OR2L13: variants seen among roughly 807,000 people sequenced by gnomAD.
OR2L13 encodes olfactory receptor family 2 subfamily L member 13, also known as olfactory receptor 2L13.
A neutral mutation model predicts 15.3 loss-of-function variants in OR2L13; 14 were observed. The observed-to-expected ratio is 0.91, with a 90% CI of 0.60 to 1.43. The LOEUF (loss-of-function observed/expected upper bound fraction) is 1.43, where lower values mean the gene tolerates loss of function less well. Ranked by LOEUF, OR2L13 falls within the 40% of genes most tolerant of loss-of-function variation. The pLI is 0.00. For missense variants in OR2L13, 367 were observed against 387.9 expected (o/e 0.95, Z 0.45); for synonymous variants, 152 against 142.9 (o/e 1.06, Z -0.45).
At chr1:248,096,786 G>A (rs533466934), upstream of OR2L13, among the ~76,000 whole-genome samples, 1 of 152,180 alleles carries the variant, frequency 6.6e-6, no homozygotes, top group Admixed American at 6.5e-5. Flanking sequence ...GAAATGAGGT[G>A]TTTTTTAACT....
chr1:248,066,047 C>G, the OR2L13 span, among the ~76,000 whole-genome samples: 2 of 152,134 alleles, frequency 1.3e-5, no homozygotes, highest in African/African-American at 4.8e-5. Context: ...CCAGAATTAA[C>G]CCTTATTTTT....
chr1:248,004,367 G>T, the OR2L13 span, among the ~76,000 whole-genome samples: 1 of 152,120 alleles, frequency 6.6e-6, no homozygotes, highest in Non-Finnish European at 1.5e-5. Flanking sequence ...TCTAACCAAA[G>T]TTGGCACTTA....
the OR2L13 span, among the ~76,000 whole-genome samples, chr1:248,049,200 T>C: frequency 6.6e-6 from 1 of 152,178 alleles, no homozygotes; most frequent in East Asian, 1.9e-4. Context: ...ATTCAGTTTT[T>C]CTTCCTTGTG....
chr1:248,033,244 T>A, the OR2L13 span, among the ~76,000 whole-genome samples: 1 of 152,204 alleles, frequency 6.6e-6, no homozygotes, highest in Non-Finnish European at 1.5e-5. Flanking sequence ...TTATTTTGAC[T>A]TAATTTTTCT....
the OR2L13 span, among the ~76,000 whole-genome samples, chr1:248,067,825 G>C: frequency 1.3e-5 from 2 of 152,208 alleles, no homozygotes; most frequent in African/African-American, 2.4e-5. Context: ...CTTAAAAAAC[G>C]GCGCGCCAGG....
the OR2L13 span, among the ~76,000 whole-genome samples, chr1:247,980,554 C>T: frequency 3.0e-3 from 459 of 152,162 alleles, 3 homozygotes; most frequent in African/African-American, 0.011. Context: ...GTTTCTTTTC[C>T]CAGTGAGTTT....
At chr1:247,994,656 T>G in the OR2L13 span, among the ~76,000 whole-genome samples, 1 of 152,160 alleles carries the variant, frequency 6.6e-6, no homozygotes, top group Non-Finnish European at 1.5e-5. Flanking sequence ...CTTGAAGTTA[T>G]GTAGGATGAG....
At chr1:248,073,104 G>A in the OR2L13 span, among the ~76,000 whole-genome samples, 2 of 151,282 alleles carry the variant, frequency 1.3e-5, no homozygotes, top group Admixed American at 6.6e-5. Flanking sequence ...AATACCATTT[G>A]ACCCAGCAAT....
At chr1:247,980,197 A>G in the OR2L13 span, among the ~76,000 whole-genome samples, 5,903 of 152,220 alleles carry the variant, frequency 0.039, 353 homozygotes, top group African/African-American at 0.13. Context: ...ACCACAATCA[A>G]TAGTTGCATC....
the OR2L13 span, among the ~76,000 whole-genome samples, chr1:248,089,924 C>T: frequency 1.3e-5 from 2 of 152,174 alleles, no homozygotes; most frequent in African/African-American, 4.8e-5. Context: ...TTTTGAATCT[C>T]CCTATGATGT....
At chr1:247,970,456 A>T in the OR2L13 span, among the ~76,000 whole-genome samples, 6,931 of 152,154 alleles carry the variant, frequency 0.046, 489 homozygotes, top group African/African-American at 0.16. Context: ...ATGCATCATG[A>T]AGAATCTTGG....
the OR2L13 span, chr1:248,038,640 A>G: frequency 1.7e-4 from 267 of 1,614,126 alleles, no homozygotes; most frequent in African/African-American, 3.0e-3. Flanking sequence ...TTATGTGGCC[A>G]TTTGCTTTCC....
At chr1:248,100,155 G>A (rs1286481518) in exon 3 of OR2L13, 2 of 1,613,966 alleles carry the variant, frequency 1.2e-6, no homozygotes, top group Admixed American at 3.3e-5. Flanking sequence ...CCTATCTTCG[G>A]CCCAGGAATC....
At chr1:248,070,166 A>G in the OR2L13 span, among the ~76,000 whole-genome samples, 2 of 152,190 alleles carry the variant, frequency 1.3e-5, no homozygotes, top group Non-Finnish European at 2.9e-5. Context: ...AATCAACAGA[A>G]TATACATTTT....
the OR2L13 span, among the ~76,000 whole-genome samples, chr1:247,984,229 C>CATTATTGTT: frequency 6.7e-6 from 1 of 148,492 alleles, no homozygotes; most frequent in African/African-American, 2.5e-5. Context: ...GAAAATAAGT[C>CATTATTGTT]ATTATTATTA....
At chr1:247,986,356 T>G in the OR2L13 span, among the ~76,000 whole-genome samples, 44 of 152,296 alleles carry the variant, frequency 2.9e-4, no homozygotes, top group East Asian at 1.5e-3. Context: ...CCGCACCATT[T>G]ATTAAATAGG....
the OR2L13 span, among the ~76,000 whole-genome samples, chr1:248,080,816 T>C: frequency 2.6e-5 from 4 of 152,242 alleles, no homozygotes; most frequent in Admixed American, 6.5e-5. Context: ...GGTCAAATAG[T>C]ATTTCTGGTC....
At chr1:248,003,155 A>T in the OR2L13 span, 1 of 1,393,082 alleles carries the variant, frequency 7.2e-7, no homozygotes, top group South Asian at 1.2e-5. Context: ...TCAAACATCA[A>T]CTGATTTCAT....
chr1:248,025,000 T>C, the OR2L13 span, among the ~76,000 whole-genome samples: 1 of 152,188 alleles, frequency 6.6e-6, no homozygotes, highest in Non-Finnish European at 1.5e-5. Flanking sequence ...CCTTTTGCAG[T>C]ATGGCCATTT....
Sources: gnomAD v4.1 joint callset for allele counts (sites outside exome capture counted in the v4.1 genomes callset) on GRCh38, gnomAD v4.1.1 for gene constraint, MANE v1.5 for transcripts, NCBI Gene and HGNC (gene_info 2026-07-23, HGNC 2026-07-21) for gene names.